HK1: variants seen among roughly 807,000 people sequenced by gnomAD.
HK1 encodes the protein hexokinase-1.
HK1 carries 28 observed loss-of-function variants against 91.6 expected under a neutral mutation model. That is an observed-to-expected ratio of 0.31 (90% CI 0.23 to 0.42). The LOEUF is 0.42. Ranked by LOEUF, HK1 falls within the 10% of genes least tolerant of loss-of-function variation. HK1 has a pLI of 1.00. For synonymous variants in HK1, 430 were observed against 468.1 expected, an observed-to-expected ratio of 0.92 and a Z score of 1.05; for missense variants, 770 against 1,219.8, an observed-to-expected ratio of 0.63 and a Z score of 5.49.
At chr10:69,329,948 G>T (rs1430277627) in intron 1 of HK1, among the ~76,000 whole-genome samples, 4 of 152,178 alleles carry the variant, frequency 2.6e-5, no homozygotes, top group Non-Finnish European at 4.4e-5. Flanking sequence ...TTAGGAATTT[G>T]CCCTGTTTTT....
chr10:69,303,142 C>T (rs905304652), intron 5 of HK1, among the ~76,000 whole-genome samples: 5 of 145,000 alleles, frequency 3.4e-5, no homozygotes, highest in Middle Eastern at 7.6e-3. Flanking sequence ...TGGATAAACA[C>T]ATTGGAATTT....
At chr10:69,293,222 C>T (rs1482458213) in intron 3 of HK1, among the ~76,000 whole-genome samples, 1 of 152,204 alleles carries the variant, frequency 6.6e-6, no homozygotes, top group Admixed American at 6.5e-5. Flanking sequence ...CCCAGTGACA[C>T]AGGACAGCTC....
intron 1 of HK1, among the ~76,000 whole-genome samples, chr10:69,335,792 A>C (rs946425772): frequency 7.2e-5 from 11 of 152,202 alleles, no homozygotes; most frequent in Non-Finnish European, 1.3e-4. Context: ...TGCCCACAGG[A>C]TGGCAGAGCC....
chr10:69,326,884 G>T (rs187122602), intron 1 of HK1, among the ~76,000 whole-genome samples: 4 of 151,586 alleles, frequency 2.6e-5, no homozygotes, highest in African/African-American at 9.7e-5. Context: ...ATATGCATAT[G>T]TCTATAAACA....
chr10:69,389,453 GCAGCAGAGTCTCT>G, intron 14 of HK1, 157 bp downstream of exon 14: 1 of 588,182 alleles, frequency 1.7e-6, no homozygotes, highest in Non-Finnish European at 3.2e-6. Context: ...CTGGACGAAG[GCAGCAGAGTCTCT>G]GGCGGGGGGA....
chr10:69,356,763 A>G (rs2132745795), intron 2 of HK1, among the ~76,000 whole-genome samples: 1 of 151,604 alleles, frequency 6.6e-6, no homozygotes, highest in South Asian at 2.1e-4. Flanking sequence ...CACGCCTATA[A>G]TCCTAGCTAC....
intron 14 of HK1, 139 bp from the exon 15 acceptor site, chr10:69,391,986 G>A: frequency 1.2e-6 from 1 of 807,446 alleles, no homozygotes; most frequent in South Asian, 1.5e-5. Context: ...TTCAAAATTG[G>A]GAAAGAAAAA....
chr10:69,341,266 A>G (rs1298169180), intron 1 of HK1, among the ~76,000 whole-genome samples: 1 of 151,668 alleles, frequency 6.6e-6, no homozygotes, highest in Non-Finnish European at 1.5e-5. Flanking sequence ...AGCTCAGGCA[A>G]TCCTCCCGCC....
chr10:69,384,199 A>G, intron 10 of HK1, 134 bp from the exon 11 acceptor site: 2 of 1,049,724 alleles, frequency 1.9e-6, no homozygotes, highest in East Asian at 4.7e-5. Flanking sequence ...GCTGTGTCCT[A>G]AAGGGAGGAG....
At chr10:69,321,721 G>A (rs1196722581) in intron 1 of HK1, among the ~76,000 whole-genome samples, 1 of 152,200 alleles carries the variant, frequency 6.6e-6, no homozygotes, top group Admixed American at 6.5e-5. Context: ...TGCCTATGAG[G>A]CACATCAATA....
intron 2 of HK1, among the ~76,000 whole-genome samples, chr10:69,284,069 G>A (rs1270907469): frequency 2.0e-5 from 3 of 152,210 alleles, no homozygotes; most frequent in Non-Finnish European, 4.4e-5. Flanking sequence ...ATTCCTCACA[G>A]TTTGAGACTT....
chr10:69,377,018 TG>T lies in HK1; in HGVS notation c.961del (p.Glu321LysfsTer36). ...AGATGGCCAAGGAGGGCCTCTTATTTGAAGGGCGGATCACCCCGGAGCTGCT... is the reference window on the plus strand; with the variant it reads ...AGATGGCCAAGGAGGGCCTCTTATTTAAGGGCGGATCACCCCGGAGCTGCT... Reference protein sequence around the residue: ...VKMAKEGLLFEGRITPELLTR... With the variant: ...VKMAKEGLLFXGRITPELLTR... On this transcript the variant is annotated frameshift_variant, in exon 8 of 18. Transcript: ENST00000359426. LOFTEE classifies it high-confidence loss of function. The T allele has an allele frequency of 6.2e-7, 1 of 1,614,200 alleles. No individual in the cohort carries two copies. Among genetic ancestry groups the T allele is most frequent in the Non-Finnish European group, 8.5e-7 (1 of 1,180,032 alleles).
chr10:69,330,172 A>G (rs1251524684), intron 1 of HK1, among the ~76,000 whole-genome samples: 2 of 151,764 alleles, frequency 1.3e-5, no homozygotes, highest in Admixed American at 1.3e-4. Context: ...ATTCACCCAG[A>G]CCTCATGTCC....
chr10:69,376,890 G>GA, intron 7 of HK1, 44 bp from the exon 8 acceptor site: 1 of 1,611,022 alleles, frequency 6.2e-7, no homozygotes, highest in South Asian at 1.1e-5. Context: ...CGTGTGTGGG[G>GA]CGCAGAGGAA....
chr10:69,341,372 G>A (rs1256574155), intron 1 of HK1, among the ~76,000 whole-genome samples: 2 of 151,802 alleles, frequency 1.3e-5, no homozygotes, highest in Admixed American at 1.3e-4. Flanking sequence ...AGTTTCCCAG[G>A]CTGCTCTCGA....
At chr10:69,386,681 C>A in intron 13 of HK1, 2 of 366,576 alleles carry the variant, frequency 5.5e-6, no homozygotes, top group South Asian at 4.3e-5. Flanking sequence ...ACTCGGGAGA[C>A]TGAGGCAGAA....
intron 1 of HK1, among the ~76,000 whole-genome samples, chr10:69,331,789 T>G (rs1057455888): frequency 6.6e-6 from 1 of 152,062 alleles, no homozygotes; most frequent in East Asian, 1.9e-4. Context: ...GGTGAGAGGA[T>G]TGCTTGAGCC....
upstream of HK1, chr10:69,318,267 G>A (rs1343760887): frequency 1.0e-6 from 1 of 977,144 alleles, no homozygotes; most frequent in Non-Finnish European, 1.2e-6. Context: ...GGGTGAGGAA[G>A]GCGCGGGACC....
intron 1 of HK1, among the ~76,000 whole-genome samples, chr10:69,270,702 A>G (rs1301566226): frequency 2.0e-5 from 3 of 152,164 alleles, no homozygotes; most frequent in African/African-American, 7.2e-5. Context: ...TAAGAATAAG[A>G]TTTTCCCCAT....
Sources: allele counts gnomAD v4.1 joint callset (sites outside exome capture counted in the v4.1 genomes callset), GRCh38; gene constraint gnomAD v4.1.1; transcripts MANE v1.5; gene names NCBI Gene and HGNC (gene_info 2026-07-23, HGNC 2026-07-21).